Variants in TAOK3 observed in about 807,000 individuals in gnomAD.
TAOK3 encodes the protein serine/threonine-protein kinase TAO3.
In TAOK3, 40 loss-of-function variants were observed where a neutral mutation model predicts 120.4. The observed-to-expected ratio is 0.33, with a 90% CI of 0.26 to 0.43. The LOEUF is 0.43. Among genes scored for constraint, TAOK3 ranks in the 20% least tolerant of loss-of-function variants. TAOK3 has a pLI of 1.00. For synonymous variants in TAOK3, 355 were observed against 387.5 expected, an observed-to-expected ratio of 0.92 and a Z score of 0.99; for missense variants, 821 against 1,112.1, an observed-to-expected ratio of 0.74 and a Z score of 3.72.
chr12:118,191,389 G>A (rs1373214441), intron 13 of TAOK3, among the ~76,000 whole-genome samples: 3 of 152,152 alleles, frequency 2.0e-5, no homozygotes, highest in East Asian at 1.9e-4. Flanking sequence ...TCAAATTCAC[G>A]TATATTCTGC....
intron 1 of TAOK3, among the ~76,000 whole-genome samples, chr12:118,355,606 A>G (rs1319323929): frequency 1.3e-5 from 2 of 152,210 alleles, no homozygotes; most frequent in African/African-American, 4.8e-5. Flanking sequence ...GTTCCCTGGT[A>G]CTTTCTAAAT....
chr12:118,209,783 G>A (rs759282214), intron 11 of TAOK3, among the ~76,000 whole-genome samples: 2 of 150,654 alleles, frequency 1.3e-5, no homozygotes, highest in African/African-American at 2.4e-5. Context: ...GCAGGATCTC[G>A]GCTCACTGCA....
chr12:118,342,572 T>G (rs1238732306), intron 1 of TAOK3, among the ~76,000 whole-genome samples: 1 of 152,136 alleles, frequency 6.6e-6, no homozygotes, highest in Non-Finnish European at 1.5e-5. Context: ...GTACTATCAA[T>G]AAATAAAACA....
At chr12:118,215,576 T>C (rs1313468570) in intron 9 of TAOK3, among the ~76,000 whole-genome samples, 1 of 151,946 alleles carries the variant, frequency 6.6e-6, no homozygotes, top group Non-Finnish European at 1.5e-5. Flanking sequence ...TTATATTCAG[T>C]AAATACTGTC....
rs2045922195 is a variant in TAOK3, at chr12:118,372,272, C to T, written c.-194+376G>A. Among the ~76,000 whole-genome samples the T allele has an allele frequency of 6.6e-6, 1 of 151,708 alleles. No individual in the cohort carries two copies. The highest frequency in any genetic ancestry group is 1.5e-5 in the Non-Finnish European group (1 of 67,874). ...TTCCCCTCTCCCCGCTGTCCCTGAC[C>T]TTTTCTGGGACCTGGTCCTTCAGGG... On this transcript the variant is annotated intron_variant, in intron 1 of 20. Transcript: ENST00000392533. This position sits in a 1 kb window ranked among gnomAD's most constrained non-coding sequence, Gnocchi z 4.6.
At chr12:118,221,634 CTTT>C (rs35069196) in intron 9 of TAOK3, among the ~76,000 whole-genome samples, 2 of 125,994 alleles carry the variant, frequency 1.6e-5, no homozygotes, top group Non-Finnish European at 1.6e-5. Context: ...TACATATAAC[CTTT>C]TTTTTTTTTT....
intron 14 of TAOK3, among the ~76,000 whole-genome samples, chr12:118,182,623 A>ATATATTTT (rs371125415): frequency 3.2e-5 from 3 of 92,416 alleles, no homozygotes; most frequent in African/African-American, 1.5e-4. Flanking sequence ...ATATATATAT[A>ATATATTTT]TTTTTTTTTT....
intron 11 of TAOK3, among the ~76,000 whole-genome samples, chr12:118,209,467 A>G (rs965568591): frequency 5.9e-5 from 9 of 152,114 alleles, no homozygotes; most frequent in South Asian, 2.1e-4. Flanking sequence ...CAGGGGCACA[A>G]TCTCGGCTCA....
intron 17 of TAOK3, among the ~76,000 whole-genome samples, chr12:118,171,809 G>A (rs899487902): frequency 1.3e-5 from 2 of 152,094 alleles, no homozygotes; most frequent in Admixed American, 6.5e-5. Context: ...TGTTCTGCCC[G>A]CCACTCTATA....
At position 118,151,085 on chromosome 12, in the gene TAOK3, C is replaced by T. The variant is rs576575912; in HGVS notation, c.2609G>A (p.Arg870Gln). The T allele has an allele frequency of 1.7e-5, 27 of 1,613,482 alleles. No homozygotes were observed. Among genetic ancestry groups the T allele is most frequent in the South Asian group, 7.7e-5 (7 of 91,064 alleles). ...CTCCATGTCAAAAGTTTCAATCTCTCGCTCTTGCCTTTCCAATAGGTTCTT... is the reference window on the plus strand; with the variant it reads ...CTCCATGTCAAAAGTTTCAATCTCTTGCTCTTGCCTTTCCAATAGGTTCTT... ...RIKNLLERQE[R>Q]EIETFDMESL... is the part of the protein sequence containing the mutation. The change falls in exon 21 of 21, where the codon CGA (arginine) becomes CAA (glutamine). Residue 870 changes from arginine to glutamine, a missense_variant. Arg to Gln is a conservative substitution (Grantham distance 43). This residue lies in a region of TAOK3 where 354 missense variants were observed against 572.1 expected (regional missense o/e 0.62). Coordinates refer to ENST00000392533, the MANE Select transcript of TAOK3 (RefSeq NM_016281.4).
chr12:118,351,864 C>CTT lies in TAOK3; in HGVS notation c.-194+20782_-194+20783dup, dbSNP rs34956112. Among the ~76,000 whole-genome samples, 106 of 71,900 alleles carry CTT rather than the reference C, an allele frequency of 1.5e-3. 1 individual carries two copies. The East Asian group carries it at 0.015, about 10-fold the overall frequency. The allele number at this position is 71,900 out of a possible 152,430, so 47.2% of individuals were successfully genotyped here. A position where few individuals can be genotyped will look rare whatever the true frequency, so the allele number is the denominator to read the frequency against. ...AAATGATTATATTTAATCTATAGTT[C>CTT]TTTTTTTTTTTTTTTTTTTTTTTTT... is the stretch of plus-strand genomic sequence containing the variant. On this transcript the variant is annotated intron_variant, in intron 1 of 20. Coordinates refer to ENST00000392533, the MANE Select transcript of TAOK3 (RefSeq NM_016281.4).
intron 1 of TAOK3, among the ~76,000 whole-genome samples, chr12:118,348,407 C>T (rs2044971321): frequency 6.6e-6 from 1 of 152,106 alleles, no homozygotes; most frequent in East Asian, 1.9e-4. Context: ...TGTCCAGCCT[C>T]TGAGCTAAAG....
intron 15 of TAOK3, 40 bp downstream of exon 15, chr12:118,181,331 G>T: frequency 6.6e-7 from 1 of 1,523,456 alleles, no homozygotes; most frequent in Non-Finnish European, 9.1e-7. Context: ...CAACAGGCTG[G>T]GCTTGGTTGT....
chr12:118,246,504 G>T (rs2040512777), intron 3 of TAOK3: 5 of 1,565,122 alleles, frequency 3.2e-6, no homozygotes, highest in Non-Finnish European at 3.5e-6. Flanking sequence ...CGGTCTGGGT[G>T]TTAAGTGCTC....
chr12:118,304,799 A>G (rs908391248), intron 1 of TAOK3, among the ~76,000 whole-genome samples: 2 of 152,230 alleles, frequency 1.3e-5, no homozygotes, highest in African/African-American at 4.8e-5. Context: ...GGATGCCAAT[A>G]ATTTCATTAG....
At chr12:118,303,513 C>G (rs2042946547) in intron 1 of TAOK3, among the ~76,000 whole-genome samples, 1 of 152,212 alleles carries the variant, frequency 6.6e-6, no homozygotes, top group African/African-American at 2.4e-5. Context: ...TGACTTTTAT[C>G]TGTGCACTGT....
At chr12:118,234,465 C>T (rs560873860) in intron 8 of TAOK3, among the ~76,000 whole-genome samples, 2 of 151,858 alleles carry the variant, frequency 1.3e-5, no homozygotes, top group South Asian at 2.1e-4. Flanking sequence ...AGGATGGTCT[C>T]GATCTCCTGA....
intron 1 of TAOK3, among the ~76,000 whole-genome samples, chr12:118,314,365 T>C (rs1414416541): frequency 6.6e-6 from 1 of 152,220 alleles, no homozygotes; most frequent in Non-Finnish European, 1.5e-5. Context: ...GAGATACAAC[T>C]AATTATGCAA....
intron 1 of TAOK3, among the ~76,000 whole-genome samples, chr12:118,280,538 T>C (rs1444314980): frequency 6.6e-6 from 1 of 152,244 alleles, no homozygotes; most frequent in Non-Finnish European, 1.5e-5. Flanking sequence ...CTCTCTATTC[T>C]GTTCCACTGG....
Sources: allele counts gnomAD v4.1 joint callset (sites outside exome capture counted in the v4.1 genomes callset), GRCh38; gene constraint gnomAD v4.1.1; regional missense constraint gnomAD v4.1.1; non-coding constraint Gnocchi (gnomAD v3.1); transcripts MANE v1.5; gene names NCBI Gene and HGNC (gene_info 2026-07-23, HGNC 2026-07-21).